The following ZFPM2 variants were observed in gnomAD, a reference collection of about 807,000 sequenced individuals.
The protein encoded by ZFPM2 is zinc finger protein ZFPM2.
ZFPM2 carries 20 observed loss-of-function variants against 98.6 expected under a neutral mutation model. The observed-to-expected ratio is 0.20, with a 90% CI of 0.14 to 0.29. The LOEUF (loss-of-function observed/expected upper bound fraction) is 0.29. ZFPM2 is among the 10% of genes least tolerant of loss of function. The pLI, the probability that ZFPM2 is intolerant of heterozygous loss-of-function variation, is 1.00. For missense variants in ZFPM2, 1,310 were observed against 1,388.6 expected (o/e 0.94, Z 0.90); for synonymous variants, 518 against 502.7 (o/e 1.03, Z -0.41).
At chr8:105,366,009 A>C (rs34465218) in intron 1 of ZFPM2, among the ~76,000 whole-genome samples, 18,591 of 152,208 alleles carry the variant, frequency 0.12, 1,374 homozygotes, top group Non-Finnish European at 0.16. Context: ...AAAACTTCCC[A>C]CATCTTTATA....
intron 4 of ZFPM2, among the ~76,000 whole-genome samples, chr8:105,573,639 T>C (rs1398355532): frequency 6.6e-6 from 1 of 152,246 alleles, no homozygotes; most frequent in Non-Finnish European, 1.5e-5. Context: ...GATTAATTTA[T>C]TTAGATATTA....
chr8:105,624,094 G>C (rs1816606854), intron 4 of ZFPM2, among the ~76,000 whole-genome samples: 1 of 152,184 alleles, frequency 6.6e-6, no homozygotes, highest in African/African-American at 2.4e-5. Flanking sequence ...CATCTTAACA[G>C]AGAAGGAAGC....
At chr8:105,640,533 T>G (rs1816931153) in intron 5 of ZFPM2, among the ~76,000 whole-genome samples, 1 of 152,052 alleles carries the variant, frequency 6.6e-6, no homozygotes. Flanking sequence ...TAACCATTTT[T>G]GAATGTCCTT....
chr8:105,568,590 C>T (rs1815288479), intron 4 of ZFPM2, among the ~76,000 whole-genome samples: 1 of 152,146 alleles, frequency 6.6e-6, no homozygotes. Flanking sequence ...TGATTGTTCT[C>T]CTCTTTCTGT....
At chr8:105,587,463 A>G (rs1815748164) in intron 4 of ZFPM2, among the ~76,000 whole-genome samples, 1 of 152,174 alleles carries the variant, frequency 6.6e-6, no homozygotes, top group Non-Finnish European at 1.5e-5. Context: ...AATTAACATC[A>G]GTATAGTCAA....
At chr8:105,319,833 G>A (rs1811986041) in intron 1 of ZFPM2, 1 of 152,248 alleles carries the variant, frequency 6.6e-6, no homozygotes, top group Non-Finnish European at 1.5e-5. Flanking sequence ...ATGGTGCTTA[G>A]AGGACACGGC....
chr8:105,322,785 A>C (rs1231718592), intron 1 of ZFPM2, among the ~76,000 whole-genome samples: 1 of 152,094 alleles, frequency 6.6e-6, no homozygotes, highest in Non-Finnish European at 1.5e-5. Context: ...TTCTGGTTAG[A>C]GAATAATCTT....
intron 3 of ZFPM2, among the ~76,000 whole-genome samples, chr8:105,511,130 G>A (rs1342980402): frequency 6.6e-6 from 1 of 152,174 alleles, no homozygotes. Flanking sequence ...ACACTGGCTG[G>A]GCATGGCCAG....
chr8:105,344,992 A>G (rs1429120127), intron 1 of ZFPM2, among the ~76,000 whole-genome samples: 5 of 152,216 alleles, frequency 3.3e-5, no homozygotes, highest in Non-Finnish European at 7.3e-5. Context: ...CAAGAAGATC[A>G]TATTCTTGAA....
intron 5 of ZFPM2, among the ~76,000 whole-genome samples, chr8:105,730,776 C>CTTTTTTTTTTTTTTTTTTT (rs201573898): frequency 8.0e-6 from 1 of 124,386 alleles, no homozygotes. Flanking sequence ...TTTCTTTTTT[C>CTTTTTTTTTTTTTTTTTTT]TTTTTTTTTT....
intron 5 of ZFPM2, among the ~76,000 whole-genome samples, chr8:105,761,339 T>C (rs1812731172): frequency 6.6e-6 from 1 of 152,048 alleles, no homozygotes; most frequent in Non-Finnish European, 1.5e-5. Flanking sequence ...GTGTGTTCTA[T>C]GAATACAGGT....
intron 5 of ZFPM2, among the ~76,000 whole-genome samples, chr8:105,755,099 A>C (rs1392236128): frequency 1.3e-5 from 2 of 152,100 alleles, no homozygotes; most frequent in Non-Finnish European, 2.9e-5. Context: ...AATGTGGCAA[A>C]ATAGGGAAAA....
intron 4 of ZFPM2, among the ~76,000 whole-genome samples, chr8:105,578,467 TCAAA>T (rs1378780785): frequency 5.9e-5 from 9 of 152,202 alleles, no homozygotes; most frequent in Admixed American, 5.9e-4. Context: ...TCTTTTATCA[TCAAA>T]CAATTCAGAG....
chr8:105,477,235 ATCTTTTTTTT>A (rs1813030034), intron 3 of ZFPM2, among the ~76,000 whole-genome samples: 1 of 135,944 alleles, frequency 7.4e-6, no homozygotes, highest in South Asian at 2.3e-4. Context: ...TCTGCTAGCA[ATCTTTTTTTT>A]TTTTTTTTTT....
intron 6 of ZFPM2, chr8:105,795,896 AG>A (rs1202887038): frequency 5.7e-6 from 2 of 351,560 alleles, no homozygotes; most frequent in Non-Finnish European, 1.1e-5. Flanking sequence ...TGAAGTTAGT[AG>A]GTAAGCAAAA....
Position 105,419,316 on chromosome 8 carries a change from G to C in ZFPM2, c.199+14G>C. 6.2e-7 allele frequency: 1 copy of C among 1,611,946 alleles called. No individual in the cohort carries two copies. Among genetic ancestry groups the C allele is most frequent in the Admixed American group, 1.7e-5 (1 of 59,688 alleles). On this transcript the variant is annotated intron_variant, in intron 2 of 7. Coordinates refer to ENST00000407775, the MANE Select transcript of ZFPM2 (RefSeq NM_012082.4). Reference sequence around the variant, plus strand: ...TTTGTAACAAAGGTAATTGTTGATGGTTGGATGTAATATGTGAGTCCACTT... The same window carrying C: ...TTTGTAACAAAGGTAATTGTTGATGCTTGGATGTAATATGTGAGTCCACTT...
intron 3 of ZFPM2, among the ~76,000 whole-genome samples, chr8:105,519,222 G>A (rs1008188582): frequency 5.3e-5 from 8 of 152,094 alleles, no homozygotes; most frequent in South Asian, 2.1e-4. Flanking sequence ...TCCAGAGCCC[G>A]TGTGTTTAAG....
intron 5 of ZFPM2, among the ~76,000 whole-genome samples, chr8:105,715,591 A>G (rs1811506426): frequency 6.6e-6 from 1 of 152,034 alleles, no homozygotes; most frequent in Admixed American, 6.6e-5. Flanking sequence ...TTATATGCAT[A>G]CATTTTCTTT....
intron 5 of ZFPM2, among the ~76,000 whole-genome samples, chr8:105,728,102 C>T (rs1271528853): frequency 2.0e-5 from 3 of 151,506 alleles, no homozygotes; most frequent in African/African-American, 7.3e-5. Context: ...TGCAAATAAG[C>T]TTTAAAATGG....
Sources: allele counts gnomAD v4.1 joint callset (sites outside exome capture counted in the v4.1 genomes callset), GRCh38; gene constraint gnomAD v4.1.1; transcripts MANE v1.5; gene names NCBI Gene and HGNC (gene_info 2026-07-23, HGNC 2026-07-21).